Variants in NTRK2 observed in about 807,000 individuals in gnomAD.
The protein encoded by NTRK2 is BDNF/NT-3 growth factors receptor.
A neutral mutation model predicts 94.5 loss-of-function variants in NTRK2; 13 were observed. That is an observed-to-expected ratio of 0.14 (90% confidence interval 0.09 to 0.22). The LOEUF (loss-of-function observed/expected upper bound fraction) is 0.22, where lower values mean the gene tolerates loss of function less well. NTRK2 is among the 10% of genes least tolerant of loss of function. The pLI, the probability that NTRK2 is intolerant of heterozygous loss-of-function variation, is 1.00. For missense variants in NTRK2, 639 were observed against 1,071.2 expected, an observed-to-expected ratio of 0.60 and a Z score of 5.63; for synonymous variants, 372 against 407.4, an observed-to-expected ratio of 0.91 and a Z score of 1.05.
At chr9:84,900,392 G>C (rs2076891159) in intron 14 of NTRK2, among the ~76,000 whole-genome samples, 1 of 152,210 alleles carries the variant, frequency 6.6e-6, no homozygotes, top group South Asian at 2.1e-4. Flanking sequence ...CTGAGGCTCA[G>C]AGTGTGTGAA....
At chr9:84,758,765 T>C (rs950060257) in intron 12 of NTRK2, among the ~76,000 whole-genome samples, 1 of 152,230 alleles carries the variant, frequency 6.6e-6, no homozygotes, top group African/African-American at 2.4e-5. Context: ...ATAAAGATAT[T>C]TGAATAAATT....
At chr9:84,738,910 T>C (rs2063440751) in intron 9 of NTRK2, among the ~76,000 whole-genome samples, 2 of 152,132 alleles carry the variant, frequency 1.3e-5, no homozygotes, top group Admixed American at 6.5e-5. Context: ...AGGATGAAAT[T>C]AGGAAAAAAT....
rs148109759 is a variant in NTRK2 at position 84,737,693 on chromosome 9, G to A, written c.1160-4199G>A. The stretch of plus-strand genomic sequence containing the variant: ...CGGGGTGCATGTACAGGTTTGTTAC[G>A]TGGGTCTATTATGTGATGCTGAGGA... On this transcript the variant is annotated intron_variant, in intron 9 of 18. Coordinates refer to ENST00000277120, the MANE Select transcript of NTRK2 (RefSeq NM_006180.6). Among the ~76,000 whole-genome samples the A allele has an allele frequency of 2.8e-4, 42 of 151,766 alleles. 2 individuals are homozygous for A. The highest frequency in any genetic ancestry group is 9.5e-4 in the African/African-American group (39 of 41,162).
intron 12 of NTRK2, among the ~76,000 whole-genome samples, chr9:84,831,702 C>G (rs534341164): frequency 2.6e-5 from 4 of 152,264 alleles, no homozygotes; most frequent in African/African-American, 9.6e-5. Flanking sequence ...CAGACAGGGC[C>G]TTTGGGATCC....
At chr9:84,747,538 C>T (rs1184851711) in intron 11 of NTRK2, among the ~76,000 whole-genome samples, 3 of 139,970 alleles carry the variant, frequency 2.1e-5, no homozygotes, top group Non-Finnish European at 4.5e-5. Context: ...AGTGCAGTGG[C>T]ACGATCTCGG....
At chr9:84,826,234 G>A (rs1311158709) in intron 12 of NTRK2, among the ~76,000 whole-genome samples, 1 of 152,168 alleles carries the variant, frequency 6.6e-6, no homozygotes, top group East Asian at 1.9e-4. Context: ...TCCTTTTGGA[G>A]GACCTGAGGG....
chr9:85,025,764 C>T lies in NTRK2; in HGVS notation c.*4327C>T. The T allele has an allele frequency of 4.3e-6, 1 of 232,928 alleles. No homozygotes were observed. Among genetic ancestry groups the T allele is most frequent in the East Asian group, 6.0e-5 (1 of 16,560 alleles). The allele number at this position is 232,928 out of a possible 1,614,324, so 14.4% of individuals were successfully genotyped here. A position where few individuals can be genotyped will look rare whatever the true frequency, so the allele number is the denominator to read the frequency against. ...GCCATATATCACTGTTATAGGAAATCTCATGAGAGGAATGGCTAGTGACCC... is the reference window on the plus strand; with the variant it reads ...GCCATATATCACTGTTATAGGAAATTTCATGAGAGGAATGGCTAGTGACCC... On this transcript the variant is annotated 3_prime_UTR_variant, in exon 19 of 19. Coordinates refer to ENST00000277120, the MANE Select transcript of NTRK2 (RefSeq NM_006180.6).
intron 17 of NTRK2, among the ~76,000 whole-genome samples, chr9:84,976,419 T>C (rs1388025123): frequency 1.3e-5 from 2 of 152,180 alleles, no homozygotes; most frequent in African/African-American, 2.4e-5. Flanking sequence ...TGCAGTTGCA[T>C]GAGGAGTGAG....
At chr9:85,019,256 G>A (rs1055450588) in intron 17 of NTRK2, among the ~76,000 whole-genome samples, 3 of 152,184 alleles carry the variant, frequency 2.0e-5, no homozygotes, top group African/African-American at 7.2e-5. Context: ...ATTTTCTGCT[G>A]TAGGATAAGC....
intron 5 of NTRK2, among the ~76,000 whole-genome samples, chr9:84,708,372 A>G (rs2061237828): frequency 6.6e-6 from 1 of 152,190 alleles, no homozygotes; most frequent in South Asian, 2.1e-4. Flanking sequence ...ACATTGGAGG[A>G]GAGGTAGTTG....
chr9:84,882,720 G>GCGCGCGCGCGCA (rs2076295721), intron 14 of NTRK2, among the ~76,000 whole-genome samples: 1 of 123,750 alleles, frequency 8.1e-6, no homozygotes, highest in African/African-American at 3.6e-5. Flanking sequence ...GTGTGTGTGT[G>GCGCGCGCGCGCA]CGCGCGCGCG....
intron 12 of NTRK2, among the ~76,000 whole-genome samples, chr9:84,803,784 G>C (rs994075912): frequency 1.3e-5 from 2 of 152,264 alleles, no homozygotes; most frequent in East Asian, 3.9e-4. Context: ...GGGATTATTA[G>C]CCCCACATAT....
At chr9:84,951,910 A>G (rs2132933549) in intron 16 of NTRK2, among the ~76,000 whole-genome samples, 1 of 152,270 alleles carries the variant, frequency 6.6e-6, no homozygotes, top group South Asian at 2.1e-4. Flanking sequence ...TTATTCATCC[A>G]GAAGCCATAT....
chr9:84,879,172 G>A (rs950048611), intron 14 of NTRK2, among the ~76,000 whole-genome samples: 2 of 152,178 alleles, frequency 1.3e-5, no homozygotes, highest in African/African-American at 2.4e-5. Flanking sequence ...GAGAGTGAGA[G>A]AGAGACGGAG....
intron 12 of NTRK2, among the ~76,000 whole-genome samples, chr9:84,781,974 TCTAAAA>T (rs1348944210): frequency 5.9e-5 from 9 of 152,018 alleles, no homozygotes; most frequent in African/African-American, 2.2e-4. Flanking sequence ...TGGAGGGTGT[TCTAAAA>T]CTAAATAGTT....
At chr9:84,890,527 T>A (rs1312397767) in intron 14 of NTRK2, among the ~76,000 whole-genome samples, 1 of 152,242 alleles carries the variant, frequency 6.6e-6, no homozygotes, top group Non-Finnish European at 1.5e-5. Context: ...CTTGATCTTT[T>A]CTCATCCTCT....
chr9:84,833,307 C>A (rs1272739538), intron 12 of NTRK2, among the ~76,000 whole-genome samples: 1 of 152,080 alleles, frequency 6.6e-6, no homozygotes, highest in African/African-American at 2.4e-5. Flanking sequence ...GTAAGAATAT[C>A]TGGGCATGGG....
At chr9:84,682,778 C>T (rs973886328) in intron 2 of NTRK2, among the ~76,000 whole-genome samples, 1 of 152,162 alleles carries the variant, frequency 6.6e-6, no homozygotes, top group African/African-American at 2.4e-5. Context: ...GCATGCTATA[C>T]CCCCTCTTCT....
At chr9:84,989,385 A>G (rs908200926) in intron 17 of NTRK2, among the ~76,000 whole-genome samples, 2 of 152,184 alleles carry the variant, frequency 1.3e-5, no homozygotes, top group African/African-American at 4.8e-5. Flanking sequence ...TGGAATGTCT[A>G]TTTTGTTCCA....
Sources: gnomAD v4.1 joint callset for allele counts (sites outside exome capture counted in the v4.1 genomes callset) on GRCh38, gnomAD v4.1.1 for gene constraint, MANE v1.5 for transcripts, NCBI Gene and HGNC (gene_info 2026-07-23, HGNC 2026-07-21) for gene names.